The following FRMD4A variants were observed in gnomAD, a reference collection of about 807,000 sequenced individuals.
FRMD4A encodes the protein FERM domain-containing protein 4A.
A neutral mutation model predicts 129.1 loss-of-function variants in FRMD4A; 29 were observed. The ratio of observed to expected loss-of-function variants is 0.22; its 90% CI spans 0.17 to 0.31. The LOEUF (loss-of-function observed/expected upper bound fraction) is 0.31. FRMD4A is among the 10% of genes least tolerant of loss of function. FRMD4A has a pLI of 1.00. For synonymous variants in FRMD4A, 634 were observed against 571.6 expected (o/e 1.11, Z -1.56); for missense variants, 1,272 against 1,375.8 (o/e 0.92, Z 1.19).
chr10:14,218,955 C>CAAAAAAAAAAAA (rs56064346), intron 2 of FRMD4A, among the ~76,000 whole-genome samples: 4 of 72,640 alleles, frequency 5.5e-5, no homozygotes, highest in African/African-American at 3.1e-4. Flanking sequence ...GACTTCATCT[C>CAAAAAAAAAAAA]AAAAAAAAAA....
At chr10:13,826,647 T>G (rs371357853) in intron 3 of FRMD4A, among the ~76,000 whole-genome samples, 17 of 152,174 alleles carry the variant, frequency 1.1e-4, no homozygotes, top group African/African-American at 4.1e-4. Context: ...ATGGCTCTTG[T>G]GGATGACTGG....
At chr10:14,217,838 T>C (rs1318422442) in intron 2 of FRMD4A, among the ~76,000 whole-genome samples, 1 of 152,042 alleles carries the variant, frequency 6.6e-6, no homozygotes, top group African/African-American at 2.4e-5. Context: ...CTCTCTTTTT[T>C]TTTTTGCTTT....
chr10:13,800,668 G>T (rs780176323), intron 4 of FRMD4A, among the ~76,000 whole-genome samples: 2 of 152,150 alleles, frequency 1.3e-5, no homozygotes, highest in African/African-American at 4.8e-5. Flanking sequence ...AGGTCCCTGG[G>T]GGTCACCATT....
intron 2 of FRMD4A, among the ~76,000 whole-genome samples, chr10:13,893,750 G>C (rs2094726842): frequency 6.6e-6 from 1 of 152,118 alleles, no homozygotes; most frequent in African/African-American, 2.4e-5. Context: ...CCTGACCTCA[G>C]GTGATCCACC....
chr10:13,936,465 G>C (rs548281629), intron 2 of FRMD4A, among the ~76,000 whole-genome samples: 4 of 152,274 alleles, frequency 2.6e-5, no homozygotes, highest in African/African-American at 9.6e-5. Flanking sequence ...ATGATATTAG[G>C]ATGGAGAGAC....
intron 2 of FRMD4A, among the ~76,000 whole-genome samples, chr10:14,199,282 T>TTTTATTTATTTA (rs3034001): frequency 7.6e-6 from 1 of 130,984 alleles, no homozygotes; most frequent in African/African-American, 2.9e-5. Flanking sequence ...AAGTGTCTTA[T>TTTTATTTATTTA]TTTATTTATT....
chr10:14,191,711 T>C (rs541998778), intron 2 of FRMD4A, among the ~76,000 whole-genome samples: 2 of 152,194 alleles, frequency 1.3e-5, no homozygotes, highest in Admixed American at 6.5e-5. Context: ...ATGTGTGACA[T>C]TTAACACATT....
intron 2 of FRMD4A, among the ~76,000 whole-genome samples, chr10:14,288,942 A>G (rs1311034672): frequency 1.3e-5 from 2 of 152,246 alleles, no homozygotes; most frequent in African/African-American, 2.4e-5. Flanking sequence ...ATGTTGTTGC[A>G]TATGACAGGA....
chr10:14,028,275 A>T (rs1021642777), intron 2 of FRMD4A, among the ~76,000 whole-genome samples: 17 of 152,180 alleles, frequency 1.1e-4, no homozygotes, highest in Admixed American at 9.2e-4. Context: ...GGTGCCTACA[A>T]AGATGATTAA....
intron 2 of FRMD4A, among the ~76,000 whole-genome samples, chr10:14,176,991 G>A (rs1589131108): frequency 6.6e-6 from 1 of 152,140 alleles, no homozygotes; most frequent in Non-Finnish European, 1.5e-5. Flanking sequence ...GCTACATTTA[G>A]CTTCCATCCC....
chr10:13,956,091 C>T (rs1350798701), intron 2 of FRMD4A, among the ~76,000 whole-genome samples: 3 of 152,162 alleles, frequency 2.0e-5, no homozygotes, highest in East Asian at 1.9e-4. Flanking sequence ...CTACCATTTA[C>T]GGAGCACCTT....
intron 2 of FRMD4A, among the ~76,000 whole-genome samples, chr10:14,163,842 C>T (rs1166518122): frequency 6.6e-6 from 1 of 152,222 alleles, no homozygotes; most frequent in Admixed American, 6.5e-5. Context: ...AGTCGTGTTC[C>T]CTTCTTCCTG....
At chr10:14,051,027 C>A (rs559988537) in intron 2 of FRMD4A, among the ~76,000 whole-genome samples, 42 of 152,326 alleles carry the variant, frequency 2.8e-4, no homozygotes, top group African/African-American at 9.6e-4. Context: ...AGTCTTGTGT[C>A]CTGAGCCCTT....
chr10:13,684,215 T>C, intron 15 of FRMD4A: 2 of 507,842 alleles, frequency 3.9e-6, no homozygotes, highest in Non-Finnish European at 5.1e-6. Context: ...CCAAAGGATT[T>C]TCATTGAACT....
chr10:13,784,526 A>C (rs1042101886), intron 5 of FRMD4A, among the ~76,000 whole-genome samples: 6 of 152,194 alleles, frequency 3.9e-5, no homozygotes, highest in African/African-American at 1.4e-4. Context: ...CAATCACCTG[A>C]GGGGCAACAA....
chr10:13,710,808 C>G (rs2134921020), intron 12 of FRMD4A, among the ~76,000 whole-genome samples: 1 of 152,166 alleles, frequency 6.6e-6, no homozygotes. Context: ...AGGTCAGGAG[C>G]TTGAGACCAG....
At chr10:13,929,937 T>A (rs562773141) in intron 2 of FRMD4A, among the ~76,000 whole-genome samples, 3 of 152,190 alleles carry the variant, frequency 2.0e-5, no homozygotes, top group South Asian at 4.2e-4. Context: ...AGATATTCCA[T>A]GAAAATCATA....
At chr10:14,053,015 A>G (rs1471783015) in intron 2 of FRMD4A, among the ~76,000 whole-genome samples, 1 of 152,086 alleles carries the variant, frequency 6.6e-6, no homozygotes, top group Non-Finnish European at 1.5e-5. Context: ...ACTGCGGATC[A>G]TATTTCAATA....
At chr10:13,902,851 A>AC (rs1308839892) in intron 2 of FRMD4A, among the ~76,000 whole-genome samples, 1 of 146,734 alleles carries the variant, frequency 6.8e-6, no homozygotes, top group East Asian at 2.0e-4. Context: ...AAAAAAAAAA[A>AC]AAAAAACAAC....
Sources: allele counts gnomAD v4.1 joint callset (sites outside exome capture counted in the v4.1 genomes callset), GRCh38; gene constraint gnomAD v4.1.1; transcripts MANE v1.5; gene names NCBI Gene and HGNC (gene_info 2026-07-23, HGNC 2026-07-21).